BMERB1: variants seen among roughly 807,000 people sequenced by gnomAD.
BMERB1 encodes the protein bMERB domain containing 1.
In BMERB1, 12 loss-of-function variants were observed where a neutral mutation model predicts 23.6. The observed-to-expected ratio is 0.51, with a 90% CI of 0.33 to 0.82. The LOEUF is 0.82. BMERB1 is among the 40% of genes least tolerant of loss of function. The pLI is 0.03. For missense variants in BMERB1, 247 were observed against 255.4 expected (o/e 0.97, Z 0.22); for synonymous variants, 122 against 96.6 (o/e 1.26, Z -1.54).
chr16:15,464,508 C>G (rs1260703803), intron 1 of BMERB1, among the ~76,000 whole-genome samples: 2 of 152,040 alleles, frequency 1.3e-5, no homozygotes, highest in Non-Finnish European at 2.9e-5. Flanking sequence ...GTAGGCAGAG[C>G]AGTCTCGAGT....
chr16:15,517,328 G>A (rs182887555), intron 2 of BMERB1, among the ~76,000 whole-genome samples: 1 of 152,214 alleles, frequency 6.6e-6, no homozygotes, highest in Admixed American at 6.5e-5. Flanking sequence ...GGCCAACAGG[G>A]CAAAAACCCG....
chr16:15,546,263 A>G (rs1457904947), intron 2 of BMERB1, among the ~76,000 whole-genome samples: 2 of 152,180 alleles, frequency 1.3e-5, no homozygotes, highest in Non-Finnish European at 2.9e-5. Flanking sequence ...ACTCCAGCCT[A>G]CATGACAGAG....
rs763790567 is a variant in BMERB1, at chr16:15,515,329, C to G, written c.131C>G (p.Ala44Gly). 2 of 1,613,526 alleles carry G rather than the reference C, an allele frequency of 1.2e-6. No individual in the cohort carries two copies. Among genetic ancestry groups the G allele is most frequent in the African/African-American group, 2.7e-5 (2 of 74,858 alleles). ...GATCAGCTGGACATCATCTCCATGG[C>G]GGAGACAACCATGATGCCAGAGGAG... Reference protein sequence around the residue: ...GRNQLDIISMAETTMMPEEIE... With the variant: ...GRNQLDIISMGETTMMPEEIE... Residue 44 changes from alanine (A) to glycine (G), a missense_variant, in exon 2 of 6, where the codon GCG becomes GGG. Physicochemically the swap from Ala to Gly is moderately conservative, Grantham distance 60. Transcript: ENST00000300006.
At chr16:15,532,117 G>T (rs1206039183) in intron 2 of BMERB1, among the ~76,000 whole-genome samples, 1 of 152,168 alleles carries the variant, frequency 6.6e-6, no homozygotes, top group Non-Finnish European at 1.5e-5. Context: ...CCAGTCTACT[G>T]TGTCTGTCCT....
intron 1 of BMERB1, among the ~76,000 whole-genome samples, chr16:15,484,396 T>TC (rs2051350307): frequency 6.6e-6 from 1 of 150,946 alleles, no homozygotes; most frequent in South Asian, 2.1e-4. Context: ...ATTATGCTCT[T>TC]CCCCCAACCT....
intron 1 of BMERB1, among the ~76,000 whole-genome samples, chr16:15,447,743 G>T (rs1005541644): frequency 2.6e-5 from 4 of 152,080 alleles, no homozygotes; most frequent in Non-Finnish European, 4.4e-5. Flanking sequence ...GAGATTTCTG[G>T]AGGCGTGCAT....
At chr16:15,493,869 G>C (rs2051446908) in intron 1 of BMERB1, among the ~76,000 whole-genome samples, 2 of 152,192 alleles carry the variant, frequency 1.3e-5, no homozygotes, top group Admixed American at 1.3e-4. Context: ...TTTAAAAACT[G>C]AAATATTACT....
rs149099350 is a variant in BMERB1, at chr16:15,583,168, A to C, written c.432A>C (p.Glu144Asp). The change falls in exon 5 of 6, where the codon GAA becomes GAC. Residue 144 changes from glutamate (E) to aspartate (D), a missense_variant. By Grantham distance (45) the Glu-to-Asp change is conservative. Transcript: ENST00000300006. ...AEVERLREQEEDKEMADFLRI... is the reference protein window; with the variant it reads ...AEVERLREQEDDKEMADFLRI... ...TCTACTTTCACAGGGAGCAAGAAGA[A>C]GACAAGGAAATGGCTGATTTCCTGA... 112 of 1,613,390 alleles carry C rather than the reference A, an allele frequency of 6.9e-5. No individual in the cohort carries two copies. Among genetic ancestry groups the C allele is most frequent in the Middle Eastern group, 1.6e-4 (1 of 6,062 alleles).
intron 2 of BMERB1, among the ~76,000 whole-genome samples, chr16:15,549,657 G>A (rs1036322385): frequency 6.7e-6 from 1 of 150,362 alleles, no homozygotes; most frequent in Non-Finnish European, 1.5e-5. Context: ...CCATCCTGGC[G>A]ACAGAGTGAG....
intron 3 of BMERB1, among the ~76,000 whole-genome samples, chr16:15,572,402 G>A (rs921516189): frequency 6.6e-6 from 1 of 152,166 alleles, no homozygotes; most frequent in African/African-American, 2.4e-5. Context: ...AGGCCCTAAG[G>A]ATAAACGAGT....
intron 2 of BMERB1, among the ~76,000 whole-genome samples, chr16:15,562,799 C>T (rs1410942997): frequency 2.0e-5 from 3 of 152,190 alleles, no homozygotes; most frequent in African/African-American, 4.8e-5. Context: ...TAGAAACTCA[C>T]GGGAACAGTC....
In BMERB1 at chr16:15,580,712, G is replaced by A. The variant is rs556563770; in HGVS notation, c.305-505G>A. On this transcript the variant is annotated intron_variant, in intron 3 of 5. Transcript: ENST00000300006. ...ACAGGCACCCGCCACCACACCCGGC[G>A]AATTTTTTGTATTTAGTAGAGACGG... 1.9e-3 allele frequency among the ~76,000 whole-genome samples: 283 copies of A among 151,264 alleles called. 1 individual carries two copies. Among genetic ancestry groups the A allele is most frequent in the South Asian group, 2.9e-3 (14 of 4,772 alleles).
intron 3 of BMERB1, among the ~76,000 whole-genome samples, chr16:15,572,467 C>T (rs971437987): frequency 1.3e-5 from 2 of 152,132 alleles, no homozygotes; most frequent in African/African-American, 4.8e-5. Context: ...GGGGTTTCTT[C>T]TGGGGGTGAT....
intron 1 of BMERB1, among the ~76,000 whole-genome samples, chr16:15,467,964 G>T (rs1022089331): frequency 2.6e-5 from 4 of 152,120 alleles, no homozygotes; most frequent in African/African-American, 9.7e-5. Context: ...ATTGTCTACA[G>T]ACTGAGAATC....
At chr16:15,491,482 T>A (rs1347241395) in intron 1 of BMERB1, among the ~76,000 whole-genome samples, 1 of 152,182 alleles carries the variant, frequency 6.6e-6, no homozygotes, top group African/African-American at 2.4e-5. Context: ...CCAGCCTGAT[T>A]GTATTTTTTA....
At chr16:15,438,247 CAACT>C (rs2050906008) in intron 1 of BMERB1, among the ~76,000 whole-genome samples, 1 of 151,292 alleles carries the variant, frequency 6.6e-6, no homozygotes, top group Non-Finnish European at 1.5e-5. Context: ...CCACCACGCT[CAACT>C]AATTTTTGTA....
intron 1 of BMERB1, among the ~76,000 whole-genome samples, chr16:15,510,657 GTCT>G (rs1331880614): frequency 6.6e-6 from 1 of 151,930 alleles, no homozygotes; most frequent in East Asian, 1.9e-4. Flanking sequence ...GGTAAGGCTG[GTCT>G]TCTAGCTTGG....
chr16:15,466,575 A>G (rs2051182411), intron 1 of BMERB1, among the ~76,000 whole-genome samples: 1 of 152,162 alleles, frequency 6.6e-6, no homozygotes, highest in Non-Finnish European at 1.5e-5. Flanking sequence ...GTTGTAAGAA[A>G]TAATACAGAG....
chr16:15,502,217 CAG>C, intron 1 of BMERB1: 12 of 1,411,378 alleles, frequency 8.5e-6, no homozygotes, highest in Middle Eastern at 1.9e-4. Context: ...GCTGGGGAAA[CAG>C]AAACTCGCAG....
Sources: gnomAD v4.1 joint callset for allele counts (sites outside exome capture counted in the v4.1 genomes callset) on GRCh38, gnomAD v4.1.1 for gene constraint, MANE v1.5 for transcripts, NCBI Gene and HGNC (gene_info 2026-07-23, HGNC 2026-07-21) for gene names.